Variants in FAM107B observed in about 807,000 individuals in gnomAD.
The protein encoded by FAM107B is family with sequence similarity 107 member B, also known as protein FAM107B.
FAM107B carries 21 observed loss-of-function variants against 31.5 expected under a neutral mutation model. That is an observed-to-expected ratio of 0.67 (90% confidence interval 0.47 to 0.96). FAM107B has a LOEUF of 0.96. FAM107B is among the 40% of genes least tolerant of loss of function. FAM107B has a pLI of 0.00. For synonymous variants in FAM107B, 157 were observed against 141.5 expected (o/e 1.11, Z -0.78); for missense variants, 452 against 377.1 (o/e 1.20, Z -1.64).
intron 1 of FAM107B, among the ~76,000 whole-genome samples, chr10:14,755,085 T>C (rs1052170079): frequency 1.9e-4 from 29 of 152,174 alleles, no homozygotes; most frequent in Admixed American, 1.8e-3. Flanking sequence ...AAGCATATTT[T>C]AGATGAATAG....
At chr10:14,620,186 T>C (rs915256748) in intron 2 of FAM107B, among the ~76,000 whole-genome samples, 20 of 152,000 alleles carry the variant, frequency 1.3e-4, no homozygotes, top group African/African-American at 4.8e-4. Context: ...GCCCAGCTAA[T>C]TTTTGTATTT....
chr10:14,619,199 T>C (rs772239223), intron 2 of FAM107B, among the ~76,000 whole-genome samples: 7 of 152,218 alleles, frequency 4.6e-5, no homozygotes, highest in Non-Finnish European at 8.8e-5. Context: ...AGCCACTCAC[T>C]TTGCGATACT....
chr10:14,527,627 G>C (rs1846434514), intron 3 of FAM107B, among the ~76,000 whole-genome samples: 1 of 152,184 alleles, frequency 6.6e-6, no homozygotes, highest in Non-Finnish European at 1.5e-5. Context: ...CCTGAGTGAG[G>C]GTAACCTGAA....
chr10:14,560,306 A>C (rs978635712), intron 2 of FAM107B, among the ~76,000 whole-genome samples: 1 of 152,212 alleles, frequency 6.6e-6, no homozygotes, highest in African/African-American at 2.4e-5. Context: ...ATCCCTTTTA[A>C]GAGTCTTTCA....
rs138403707 is a variant in FAM107B at position 14,641,317 on chromosome 10, A to C, written c.469+26317T>G. On this transcript the variant is annotated intron_variant, in intron 2 of 4. Coordinates refer to ENST00000181796, the MANE Select transcript of FAM107B (RefSeq NM_031453.4). ...CCTCTGGCACATGAGACTTCTGATT[A>C]ATTTGAGCCAACATTGGTTTGCTGC... Among the ~76,000 whole-genome samples, 1,052 of 152,310 alleles carry C rather than the reference A, an allele frequency of 6.9e-3. 6 individuals are homozygous for C. Among genetic ancestry groups the C allele is most frequent in the African/African-American group, 0.024 (1,017 of 41,572 alleles).
intron 1 of FAM107B, among the ~76,000 whole-genome samples, chr10:14,675,430 G>A (rs1238162653): frequency 6.6e-6 from 1 of 152,204 alleles, no homozygotes; most frequent in South Asian, 2.1e-4. Flanking sequence ...TCTATCCATG[G>A]AGGGAGGTCA....
At chr10:14,701,452 C>G (rs1855396846) in intron 1 of FAM107B, among the ~76,000 whole-genome samples, 1 of 152,000 alleles carries the variant, frequency 6.6e-6, no homozygotes. Context: ...ACCATGTTGG[C>G]CAAGCTGGTC....
intron 2 of FAM107B, among the ~76,000 whole-genome samples, chr10:14,621,311 T>C (rs1386608335): frequency 6.6e-6 from 1 of 152,224 alleles, no homozygotes; most frequent in African/African-American, 2.4e-5. Context: ...CCTTTCTTAC[T>C]TTTTCTGTTT....
At chr10:14,581,087 G>A (rs945155649) in intron 2 of FAM107B, among the ~76,000 whole-genome samples, 6 of 152,334 alleles carry the variant, frequency 3.9e-5, no homozygotes, top group Admixed American at 2.6e-4. Flanking sequence ...TCTAGCGGCC[G>A]GGCCAGGGGA....
At position 14,705,023 on chromosome 10, in the gene FAM107B, C is replaced by CAAAAAAAA. The variant is rs57922026; in HGVS notation, c.412-37340_412-37333dup. Among the ~76,000 whole-genome samples, 88 of 87,888 alleles carry CAAAAAAAA rather than the reference C, an allele frequency of 1.0e-3. 4 individuals are homozygous for CAAAAAAAA. Among genetic ancestry groups the CAAAAAAAA allele is most frequent in the African/African-American group, 3.9e-3 (82 of 21,100 alleles). The allele number at this position is 87,888 out of a possible 152,430, so 57.7% of individuals were successfully genotyped here. ...TGAGCAATGGAGTGAGACCCTGTCA[C>CAAAAAAAA]AAAAAAAAAAAAAAAAAAAATAGAC... On this transcript the variant is annotated intron_variant, in intron 1 of 4. Coordinates refer to ENST00000181796, the MANE Select transcript of FAM107B (RefSeq NM_031453.4).
intron 1 of FAM107B, among the ~76,000 whole-genome samples, chr10:14,764,432 A>C (rs1833121637): frequency 6.6e-6 from 1 of 152,146 alleles, no homozygotes; most frequent in Non-Finnish European, 1.5e-5. Context: ...AACACACACA[A>C]ACCAGCTTTT....
At position 14,629,458 on chromosome 10, in the gene FAM107B, T is replaced by TTA. The variant is rs1176169277; in HGVS notation, c.469+38175_469+38176insTA. 5.7e-3 allele frequency among the ~76,000 whole-genome samples: 303 copies of TTA among 53,624 alleles called. 11 individuals are homozygous for TTA. Among genetic ancestry groups the TTA allele is most frequent in the African/African-American group, 0.011 (120 of 10,944 alleles). The allele number at this position is 53,624 out of a possible 152,430, so 35.2% of individuals were successfully genotyped here. A position where few individuals can be genotyped will look rare whatever the true frequency, so the allele number is the denominator to read the frequency against. Reference sequence around the variant, plus strand: ...TATTATATATATATTATATATATATTATATATATATTTAATATATATATAA... The same window carrying TTA: ...TATTATATATATATTATATATATATTTAATATATATATTTAATATATATATAA... On this transcript the variant is annotated intron_variant, in intron 2 of 4. Transcript: ENST00000181796.
chr10:14,534,095 T>C (rs1181647531), intron 2 of FAM107B, among the ~76,000 whole-genome samples: 1 of 152,160 alleles, frequency 6.6e-6, no homozygotes, highest in East Asian at 1.9e-4. Context: ...TTTCACTGGT[T>C]TGTCCTTCTT....
chr10:14,580,694 A>T (rs79775016), intron 2 of FAM107B, among the ~76,000 whole-genome samples: 8 of 142,436 alleles, frequency 5.6e-5, no homozygotes, highest in African/African-American at 1.8e-4. Context: ...GTGTTTTATT[A>T]AAAAAAAAAA....
chr10:14,704,411 G>T (rs1198017280), intron 1 of FAM107B, among the ~76,000 whole-genome samples: 1 of 151,992 alleles, frequency 6.6e-6, no homozygotes, highest in Non-Finnish European at 1.5e-5. Context: ...ATAACAAACA[G>T]TTTCCAACTG....
intron 2 of FAM107B, among the ~76,000 whole-genome samples, chr10:14,626,974 T>G (rs1853182581): frequency 6.6e-6 from 1 of 152,210 alleles, no homozygotes; most frequent in African/African-American, 2.4e-5. Context: ...TATCTGGATT[T>G]GCTTCTGCAC....
intron 1 of FAM107B, chr10:14,723,845 G>A (rs921483479): frequency 4.0e-6 from 3 of 755,958 alleles, no homozygotes; most frequent in Non-Finnish European, 7.3e-6. Context: ...ACATCAGCAG[G>A]GTTTTCAATG....
At chr10:14,633,996 A>T (rs937514885) in intron 2 of FAM107B, among the ~76,000 whole-genome samples, 1 of 152,232 alleles carries the variant, frequency 6.6e-6, no homozygotes, top group Non-Finnish European at 1.5e-5. Flanking sequence ...GTAACATTTC[A>T]TGCAGGCTTT....
At chr10:14,762,898 C>T (rs1176553400) in intron 1 of FAM107B, among the ~76,000 whole-genome samples, 1 of 152,140 alleles carries the variant, frequency 6.6e-6, no homozygotes, top group Non-Finnish European at 1.5e-5. Context: ...GATTAGAAGA[C>T]TTGATGGCTT....
Sources: gnomAD v4.1 joint callset for allele counts (sites outside exome capture counted in the v4.1 genomes callset) on GRCh38, gnomAD v4.1.1 for gene constraint, MANE v1.5 for transcripts, NCBI Gene and HGNC (gene_info 2026-07-23, HGNC 2026-07-21) for gene names.